Variants in PSME4 observed in about 807,000 individuals in gnomAD.
PSME4 encodes the protein proteasome activator complex subunit 4.
In PSME4, 89 loss-of-function variants were observed where a neutral mutation model predicts 253.9. The ratio of observed to expected loss-of-function variants is 0.35; its 90% CI spans 0.30 to 0.42. The LOEUF (loss-of-function observed/expected upper bound fraction) is 0.42. Ranked by LOEUF, PSME4 falls within the 10% of genes least tolerant of loss-of-function variation. PSME4 has a pLI of 1.00. For missense variants in PSME4, 2,014 were observed against 2,195.2 expected (o/e 0.92, Z 1.65); for synonymous variants, 851 against 759.2 (o/e 1.12, Z -1.99).
intron 27 of PSME4, among the ~76,000 whole-genome samples, chr2:53,903,502 C>T (rs1680507725): frequency 6.6e-6 from 1 of 152,040 alleles, no homozygotes; most frequent in Non-Finnish European, 1.5e-5. Flanking sequence ...GTAGTATTTG[C>T]CTTATCCTGT....
chr2:53,888,821 A>AAAATATG lies in PSME4; in HGVS notation c.4297-16_4297-10dup. 1 of 1,592,828 alleles carries AAAATATG rather than the reference A, an allele frequency of 6.3e-7. No individual in the cohort carries two copies. On this transcript the variant is annotated splice_polypyrimidine_tract_variant and intron_variant, in intron 37 of 46. Transcript: ENST00000404125. ...CGGGGATCTCTGCTTTCCTGTGTTT[A>AAAATATG]AAATATGATGTAACAGTTCAACAGA...
intron 44 of PSME4, among the ~76,000 whole-genome samples, chr2:53,867,910 TAA>T (rs1410477612): frequency 6.6e-6 from 1 of 152,160 alleles, no homozygotes; most frequent in Non-Finnish European, 1.5e-5. Flanking sequence ...GTCTGTATTC[TAA>T]AGAGTCTCTA....
At chr2:53,940,397 T>G (rs1384056487) in intron 3 of PSME4, among the ~76,000 whole-genome samples, 1 of 152,122 alleles carries the variant, frequency 6.6e-6, no homozygotes, top group Non-Finnish European at 1.5e-5. Context: ...AAAATCTGGG[T>G]GTTTCCATCA....
At chr2:53,911,850 C>G (rs1667841433) in intron 20 of PSME4, among the ~76,000 whole-genome samples, 1 of 152,116 alleles carries the variant, frequency 6.6e-6, no homozygotes. Context: ...TTTACTATAT[C>G]TAAAAAGCCT....
intron 20 of PSME4, among the ~76,000 whole-genome samples, chr2:53,911,611 A>C (rs1667830914): frequency 6.6e-6 from 1 of 150,826 alleles, no homozygotes; most frequent in Admixed American, 6.6e-5. Context: ...CTGTTAGAGC[A>C]GGGGAAGTGC....
intron 1 of PSME4, among the ~76,000 whole-genome samples, chr2:53,952,807 A>T (rs145046736): frequency 1.1e-4 from 17 of 152,284 alleles, no homozygotes; most frequent in Non-Finnish European, 2.1e-4. Context: ...GTAATGCCCA[A>T]TCGCCTGTCC....
chr2:53,910,115 C>T lies in PSME4; in HGVS notation c.2532G>A (p.Val844=), dbSNP rs139203776. Residue 844 remains valine (V), a synonymous_variant, in exon 21 of 47, where the codon GTG becomes GTA. Coordinates refer to ENST00000404125, the MANE Select transcript of PSME4 (RefSeq NM_014614.3). ...TATACAACTTTGTCTCTTCCAAGGA[C>T]ACCATACTTGGTACTCTGTATAAAA... The part of the protein sequence containing the change: ...EPVTNLVPSM[V]SLEETKLYTG... 3 of 1,606,584 alleles carry T rather than the reference C, an allele frequency of 1.9e-6. No homozygotes were observed. The African/African-American group carries it at 4.0e-5, about 21-fold the overall frequency.
intron 24 of PSME4, among the ~76,000 whole-genome samples, chr2:53,907,123 C>T (rs1338858017): frequency 2.0e-5 from 3 of 152,102 alleles, no homozygotes; most frequent in Non-Finnish European, 4.4e-5. Flanking sequence ...TACTATTAGA[C>T]CCATGCATGG....
chr2:53,908,630 CAT>C, intron 22 of PSME4, 65 bp from the exon 23 acceptor site: 1 of 1,513,184 alleles, frequency 6.6e-7, no homozygotes, highest in Non-Finnish European at 8.9e-7. Context: ...AATCTTGAGG[CAT>C]TAGTCAAGAA....
chr2:53,881,587 C>A lies in PSME4; in HGVS notation c.4815+4103G>T, dbSNP rs558447244. 3 of 152,096 alleles carry A rather than the reference C, an allele frequency of 2.0e-5. No homozygotes were observed. In the South Asian group the frequency reaches 6.2e-4, roughly 32 times the overall value. The allele number at this position is 152,096 out of a possible 1,614,324, so 9.4% of individuals were successfully genotyped here. A position where few individuals can be genotyped will look rare whatever the true frequency, so the allele number is the denominator to read the frequency against. ...CTTGTGCAAGGTCACAAAGAAAGCA[C>A]CTGTCACAGGCAGAATTTTTTTTTT... On this transcript the variant is annotated intron_variant, in intron 41 of 46. Coordinates refer to ENST00000404125, the MANE Select transcript of PSME4 (RefSeq NM_014614.3).
intron 4 of PSME4, among the ~76,000 whole-genome samples, chr2:53,939,640 A>C (rs1396032575): frequency 1.3e-5 from 2 of 152,194 alleles, no homozygotes; most frequent in Non-Finnish European, 2.9e-5. Context: ...AAAGTTATGA[A>C]CCACCTTCTT....
rs1392908510 is a variant in PSME4, at chr2:53,920,971, G to C, written c.2180C>G (p.Ser727Cys). 2 of 1,613,952 alleles carry C rather than the reference G, an allele frequency of 1.2e-6. No homozygotes were observed. ...TTCTGTAGGGTAGATAAGTGTGGTA[G>C]AACGGAGAAGATGATGCAAAAGGTT... ...SCNLLHHLLR[S>C]TTLIYPTEYC... Residue 727 changes from serine to cysteine, a missense_variant, in exon 18 of 47, where the codon TCT becomes TGT. Coordinates refer to ENST00000404125, the MANE Select transcript of PSME4 (RefSeq NM_014614.3).
At chr2:53,930,703 C>G (rs776672205) in intron 10 of PSME4, among the ~76,000 whole-genome samples, 1 of 152,172 alleles carries the variant, frequency 6.6e-6, no homozygotes, top group African/African-American at 2.4e-5. Flanking sequence ...ATCTTGAACA[C>G]GGTATCCTTC....
At chr2:53,924,605 T>C (rs551346189) in intron 14 of PSME4, among the ~76,000 whole-genome samples, 1 of 152,352 alleles carries the variant, frequency 6.6e-6, no homozygotes, top group African/African-American at 2.4e-5. Context: ...AATTGTAAAA[T>C]TAAAAAATAC....
Position 53,914,730 on chromosome 2 carries a change from A to G in PSME4, c.2516+4421T>C, listed in dbSNP as rs1393701580. On this transcript the variant is annotated intron_variant, in intron 20 of 46. Coordinates refer to ENST00000404125, the MANE Select transcript of PSME4 (RefSeq NM_014614.3). ...ACCCTGTCTCTACTAAAAATACAAA[A>G]ATTAGCCGGGCATGGTGGCACACGC... Among the ~76,000 whole-genome samples the G allele has an allele frequency of 1.3e-5, 2 of 151,950 alleles. 1 individual carries two copies. Among genetic ancestry groups the G allele is most frequent in the Non-Finnish European group, 2.9e-5 (2 of 67,982 alleles).
chr2:53,888,585 C>T (rs759267736), intron 38 of PSME4, 136 bp downstream of exon 38: 2 of 570,786 alleles, frequency 3.5e-6, no homozygotes, highest in African/African-American at 3.7e-5. Flanking sequence ...TTATATGGAA[C>T]CAGATCACAT....
chr2:53,919,651 G>A (rs562354680), intron 19 of PSME4, among the ~76,000 whole-genome samples: 125 of 152,288 alleles, frequency 8.2e-4, no homozygotes, highest in Admixed American at 2.0e-3. Flanking sequence ...CAGAGTTGAT[G>A]TTAGTCAGTC....
chr2:53,877,799 C>A (rs1048662331), intron 41 of PSME4, among the ~76,000 whole-genome samples: 2 of 152,172 alleles, frequency 1.3e-5, no homozygotes, highest in African/African-American at 4.8e-5. Flanking sequence ...TTTGTCATAA[C>A]AAAGGCATGA....
intron 1 of PSME4, among the ~76,000 whole-genome samples, chr2:53,953,290 C>G (rs1355068787): frequency 1.3e-5 from 2 of 151,644 alleles, no homozygotes; most frequent in Non-Finnish European, 2.9e-5. Context: ...GTAAAAAGCC[C>G]AGAAATACAT....
Sources: allele counts gnomAD v4.1 joint callset (sites outside exome capture counted in the v4.1 genomes callset), GRCh38; gene constraint gnomAD v4.1.1; transcripts MANE v1.5; gene names NCBI Gene and HGNC (gene_info 2026-07-23, HGNC 2026-07-21).